Variants in TMPRSS15 observed in about 807,000 individuals in gnomAD.
TMPRSS15 encodes the protein transmembrane serine protease 15.
A neutral mutation model predicts 125.3 loss-of-function variants in TMPRSS15; 128 were observed. That is an observed-to-expected ratio of 1.02 (90% CI 0.89 to 1.18). The LOEUF (loss-of-function observed/expected upper bound fraction) is 1.18, where lower values mean the gene tolerates loss of function less well. TMPRSS15 is among the 50% of genes most tolerant of loss of function. The probability of loss-of-function intolerance (pLI) is 0.00; values close to 1 mark genes in which losing one functional copy is unlikely to be tolerated. For synonymous variants in TMPRSS15, 446 were observed against 423.2 expected (o/e 1.05, Z -0.66); for missense variants, 1,283 against 1,212.7 (o/e 1.06, Z -0.86).
intron 1 of TMPRSS15, among the ~76,000 whole-genome samples, chr21:18,450,332 C>G (rs1004250991): frequency 6.6e-6 from 1 of 151,458 alleles, no homozygotes; most frequent in African/African-American, 2.4e-5. Context: ...TTTCTAAAAC[C>G]TTTTGTCGTA....
intron 13 of TMPRSS15, among the ~76,000 whole-genome samples, chr21:18,335,569 C>T (rs978316217): frequency 6.6e-6 from 1 of 152,210 alleles, no homozygotes; most frequent in Non-Finnish European, 1.5e-5. Flanking sequence ...TTGGAAAATG[C>T]ATCCCTTTAA....
At chr21:18,453,250 C>T (rs1013889822) in intron 1 of TMPRSS15, among the ~76,000 whole-genome samples, 2 of 152,136 alleles carry the variant, frequency 1.3e-5, no homozygotes, top group African/African-American at 4.8e-5. Context: ...TCTCAAAAAT[C>T]TCACAAAATA....
At chr21:18,472,598 A>G (rs921074748) in intron 1 of TMPRSS15, among the ~76,000 whole-genome samples, 2 of 151,914 alleles carry the variant, frequency 1.3e-5, no homozygotes, top group Admixed American at 6.6e-5. Flanking sequence ...CAATAAATAA[A>G]CTGCTTGATG....
intron 1 of TMPRSS15, among the ~76,000 whole-genome samples, chr21:18,459,522 C>T (rs1978511857): frequency 2.6e-5 from 4 of 152,122 alleles, no homozygotes; most frequent in African/African-American, 7.2e-5. Flanking sequence ...GATCCACCTG[C>T]CTCATCCTCC....
rs115836402 is a variant in TMPRSS15, at chr21:18,304,550, C to G, written c.2166-6721G>C. ...AGAAATAATTACATCTTTATTTTTA[C>G]TAACTTTAATCTCTTCTTCTGATAC... On this transcript the variant is annotated intron_variant, in intron 18 of 24. Coordinates refer to ENST00000284885, the MANE Select transcript of TMPRSS15 (RefSeq NM_002772.3). Among the ~76,000 whole-genome samples the G allele has an allele frequency of 7.9e-3, 1,199 of 152,222 alleles. 12 individuals carry two copies. The highest frequency in any genetic ancestry group is 0.026 in the African/African-American group (1,078 of 41,520).
intron 1 of TMPRSS15, among the ~76,000 whole-genome samples, chr21:18,430,553 G>C (rs747519815): frequency 6.6e-6 from 1 of 151,972 alleles, no homozygotes; most frequent in Non-Finnish European, 1.5e-5. Flanking sequence ...ATTGTTATTA[G>C]GAAACTTCTT....
chr21:18,301,802 C>T (rs932483230), intron 18 of TMPRSS15, among the ~76,000 whole-genome samples: 15 of 152,090 alleles, frequency 9.9e-5, no homozygotes, highest in African/African-American at 3.1e-4. Flanking sequence ...GCTTTTATTG[C>T]CATTTTTATA....
chr21:18,410,795 T>C (rs1173063029), intron 1 of TMPRSS15, among the ~76,000 whole-genome samples: 2 of 152,152 alleles, frequency 1.3e-5, no homozygotes, highest in Non-Finnish European at 2.9e-5. Context: ...CCACTCAAAT[T>C]TTATTCAAAA....
At chr21:18,428,768 G>T (rs547793403) in intron 1 of TMPRSS15, among the ~76,000 whole-genome samples, 1 of 152,310 alleles carries the variant, frequency 6.6e-6, no homozygotes, top group African/African-American at 2.4e-5. Context: ...GCTGCAGGGT[G>T]GGGCGCTCAT....
chr21:18,373,252 C>T (rs2147048790), intron 5 of TMPRSS15, among the ~76,000 whole-genome samples: 1 of 152,170 alleles, frequency 6.6e-6, no homozygotes, highest in East Asian at 1.9e-4. Flanking sequence ...TACTAAGTTA[C>T]TTCTTAATTA....
intron 1 of TMPRSS15, among the ~76,000 whole-genome samples, chr21:18,402,204 C>T (rs983996303): frequency 1.2e-4 from 18 of 152,022 alleles, no homozygotes; most frequent in African/African-American, 4.3e-4. Context: ...AAATAGCTAA[C>T]CCAACAATTG....
At chr21:18,476,742 G>A (rs1034328242) in intron 1 of TMPRSS15, among the ~76,000 whole-genome samples, 32 of 152,068 alleles carry the variant, frequency 2.1e-4, no homozygotes, top group Admixed American at 6.6e-5. Flanking sequence ...ACAAGAAAAG[G>A]CTTTCATACC....
At chr21:18,360,262 T>C (rs765766994) in intron 7 of TMPRSS15, among the ~76,000 whole-genome samples, 1 of 152,174 alleles carries the variant, frequency 6.6e-6, no homozygotes, top group African/African-American at 2.4e-5. Context: ...TGTTGTATGA[T>C]ATACAAGATT....
At chr21:18,286,654 G>C (rs1403018025) in intron 21 of TMPRSS15, among the ~76,000 whole-genome samples, 1 of 152,178 alleles carries the variant, frequency 6.6e-6, no homozygotes, top group South Asian at 2.1e-4. Flanking sequence ...CTTCAGCTAT[G>C]GTCCTAACTG....
At chr21:18,396,851 T>TA (rs1555909744) in intron 3 of TMPRSS15, among the ~76,000 whole-genome samples, 5 of 150,354 alleles carry the variant, frequency 3.3e-5, no homozygotes, top group African/African-American at 7.3e-5. Context: ...TCTATCTATC[T>TA]TAAGTCACAA....
Position 18,329,275 on chromosome 21 carries a change from T to C in TMPRSS15, c.1674A>G (p.Ala558=). The change falls in exon 15 of 25, where the codon GCA becomes GCG. Residue 558 remains alanine (A), a synonymous_variant. Coordinates refer to ENST00000284885, the MANE Select transcript of TMPRSS15 (RefSeq NM_002772.3). Reference sequence around the variant, plus strand: ...GAAGTTGTATATTCTTTCCTTTTTGTGCATTTAAAATCCAAACACCTAAAA... The same window carrying C: ...GAAGTTGTATATTCTTTCCTTTTTGCGCATTTAAAATCCAAACACCTAAAA... The part of the protein sequence containing the change: ...NLAFCVWILN[A]QKGKNIQLHF... 4 of 1,611,136 alleles carry C rather than the reference T, an allele frequency of 2.5e-6. No individual in the cohort carries two copies. The highest frequency in any genetic ancestry group is 3.4e-6 in the Non-Finnish European group (4 of 1,178,332).
intron 3 of TMPRSS15, among the ~76,000 whole-genome samples, chr21:18,386,115 A>C (rs981369358): frequency 6.6e-6 from 1 of 152,184 alleles, no homozygotes; most frequent in Non-Finnish European, 1.5e-5. Context: ...TCTAACAAGC[A>C]TACAACTGTC....
At chr21:18,470,070 C>G (rs1978745438) in intron 1 of TMPRSS15, among the ~76,000 whole-genome samples, 1 of 151,984 alleles carries the variant, frequency 6.6e-6, no homozygotes, top group Admixed American at 6.6e-5. Context: ...GGTAAATTTT[C>G]TGGTGAACAA....
chr21:18,442,899 G>A (rs1189644350), intron 1 of TMPRSS15, among the ~76,000 whole-genome samples: 2 of 152,058 alleles, frequency 1.3e-5, no homozygotes, highest in Admixed American at 1.3e-4. Flanking sequence ...AATCAGTTCG[G>A]GGTACCATAC....
Sources: gnomAD v4.1 joint callset for allele counts (sites outside exome capture counted in the v4.1 genomes callset) on GRCh38, gnomAD v4.1.1 for gene constraint, MANE v1.5 for transcripts, NCBI Gene and HGNC (gene_info 2026-07-23, HGNC 2026-07-21) for gene names.